The following TTF2 variants were observed in gnomAD, a reference collection of about 807,000 sequenced individuals.
TTF2 encodes the protein RNA polymerase II termination factor.
A neutral mutation model predicts 142.4 loss-of-function variants in TTF2; 108 were observed. The ratio of observed to expected loss-of-function variants is 0.76; its 90% CI spans 0.65 to 0.89. The LOEUF (loss-of-function observed/expected upper bound fraction) is 0.89. Ranked by LOEUF, TTF2 falls within the 40% of genes least tolerant of loss-of-function variation. The pLI is 0.00. For synonymous variants in TTF2, 483 were observed against 506.2 expected (o/e 0.95, Z 0.61); for missense variants, 1,327 against 1,379.8 (o/e 0.96, Z 0.61).
At chr1:117,061,694 C>T (rs1655698087) in intron 2 of TTF2, among the ~76,000 whole-genome samples, 1 of 152,176 alleles carries the variant, frequency 6.6e-6, no homozygotes, top group African/African-American at 2.4e-5. Flanking sequence ...TTTGGTTTTA[C>T]ATTAAGAGAA....
chr1:117,084,137 C>G lies in TTF2; in HGVS notation c.2023C>G (p.His675Asp). 6.2e-7 allele frequency: 1 copy of G among 1,614,208 alleles called. No homozygotes were observed. The highest frequency in any genetic ancestry group is 8.5e-7 in the Non-Finnish European group (1 of 1,180,038). The change falls in exon 11 of 23, where the codon CAT becomes GAT. Residue 675 changes from histidine (H) to aspartate (D), a missense_variant. Physicochemically the swap from His to Asp is moderately conservative, Grantham distance 81 (BLOSUM62 -1). Transcript: ENST00000369466. ...CAACAAACTAAGAGTCTATCTCTAC[C>G]ATGGGCCAAACCGGGATTCACGTGC... is the stretch of plus-strand genomic sequence containing the variant. ...NSNKLRVYLY[H>D]GPNRDSRARV...
intron 3 of TTF2, among the ~76,000 whole-genome samples, chr1:117,072,511 G>A (rs1200030206): frequency 5.1e-5 from 7 of 137,526 alleles, no homozygotes; most frequent in African/African-American, 2.0e-4. Flanking sequence ...TGCAACCTAC[G>A]CCTCCCGGGT....
chr1:117,060,341 A>C lies in TTF2; in HGVS notation c.-6A>C. 4 of 1,595,716 alleles carry C rather than the reference A, an allele frequency of 2.5e-6. No homozygotes were observed. The highest frequency in any genetic ancestry group is 3.4e-6 in the Non-Finnish European group (4 of 1,171,270). ...GGGCTTTGTGGAACTTGGGGGACCC[A>C]GCGAAATGGAAGAAGTTAGGTGTCC... On this transcript the variant is annotated 5_prime_UTR_variant, in exon 1 of 23. Coordinates refer to ENST00000369466, the MANE Select transcript of TTF2 (RefSeq NM_003594.4).
Position 117,090,416 on chromosome 1 carries a change from G to T in TTF2, c.2497-116G>T. The T allele has an allele frequency of 8.6e-7, 1 of 1,164,056 alleles. No individual in the cohort carries two copies. The highest frequency in any genetic ancestry group is 1.2e-6 in the Non-Finnish European group (1 of 809,896). The allele number at this position is 1,164,056 out of a possible 1,614,324, so 72.1% of individuals were successfully genotyped here. On this transcript the variant is annotated intron_variant, in intron 14 of 22. Coordinates refer to ENST00000369466, the MANE Select transcript of TTF2 (RefSeq NM_003594.4). This position sits in a 1 kb window ranked among gnomAD's most constrained non-coding sequence, Gnocchi z 4.8. ...TGGAGCAGTCCTGTGTCTAAGAAAG[G>T]GTGGAAGCTGCATTCCAGGGTTGAC...
intron 16 of TTF2, 93 bp from the exon 17 acceptor site, chr1:117,091,724 C>T: frequency 6.8e-7 from 1 of 1,461,030 alleles, no homozygotes; most frequent in Non-Finnish European, 9.2e-7. Context: ...TGAGATCAAA[C>T]ATGGTTAAAG....
chr1:117,093,406 T>C lies in TTF2; in HGVS notation c.2976+505T>C, dbSNP rs1430004217. Among the ~76,000 whole-genome samples, 1 of 152,234 alleles carries C rather than the reference T, an allele frequency of 6.6e-6. No homozygotes were observed. Among genetic ancestry groups the C allele is most frequent in the African/African-American group, 2.4e-5 (1 of 41,460 alleles). ...AGAGCTTTTTAAGGCAGAAACATTCTGCTGGAGGAAGGCTTAGATATGCCG... is the reference window on the plus strand; with the variant it reads ...AGAGCTTTTTAAGGCAGAAACATTCCGCTGGAGGAAGGCTTAGATATGCCG... On this transcript the variant is annotated intron_variant, in intron 18 of 22. Transcript: ENST00000369466. This position sits in a 1 kb window ranked among gnomAD's most constrained non-coding sequence, Gnocchi z 4.5.
In TTF2 at chr1:117,062,424, G is replaced by T. The variant is rs1655757538; in HGVS notation, c.169G>T (p.Val57Leu). ...CCATTGCTTATTGCATGAGGACTTTGTGGTAGAGCTTCAGGGTTTGCTTCT... is the reference window on the plus strand; with the variant it reads ...CCATTGCTTATTGCATGAGGACTTTTTGGTAGAGCTTCAGGGTTTGCTTCT... Reference protein sequence around the residue: ...VSHCLLHEDFVVELQGLLLPQ... With the variant: ...VSHCLLHEDFLVELQGLLLPQ... The change falls in exon 3 of 23, where the codon GTG becomes TTG. Residue 57 changes from valine to leucine, a missense_variant. Coordinates refer to ENST00000369466, the MANE Select transcript of TTF2 (RefSeq NM_003594.4). The T allele has an allele frequency of 6.2e-7, 1 of 1,612,824 alleles. No individual in the cohort carries two copies. Among genetic ancestry groups the T allele is most frequent in the African/African-American group, 1.3e-5 (1 of 74,588 alleles).
At chr1:117,088,454 G>GT (rs1648231636) in intron 12 of TTF2, among the ~76,000 whole-genome samples, 1 of 152,048 alleles carries the variant, frequency 6.6e-6, no homozygotes, top group Non-Finnish European at 1.5e-5. Flanking sequence ...GGAGAATGGC[G>GT]TGAAGCCCGG....
In TTF2 at chr1:117,092,783, A is replaced by C. The variant is rs780548819; in HGVS notation, c.2858A>C (p.Glu953Ala). The change falls in exon 18 of 23, where the codon GAA becomes GCA. Residue 953 changes from glutamate to alanine, a missense_variant. By Grantham distance (107) the Glu-to-Ala change is moderately radical. Transcript: ENST00000369466. This position sits in a 1 kb window ranked among gnomAD's most constrained non-coding sequence, Gnocchi z 4.4. ...KGEGLVLSLE[E>A]QLSALTLSEL... ...GAAGGTCTTGTCCTTTCCCTGGAAG[A>C]ACAGCTCAGTGCTTTGACCTTGTCA... 2 of 1,614,206 alleles carry C rather than the reference A, an allele frequency of 1.2e-6. No homozygotes were observed. The highest frequency in any genetic ancestry group is 3.3e-5 in the Admixed American group (2 of 60,028).
rs1347242846 is a variant in TTF2, at chr1:117,075,746, G to C, written c.1162G>C (p.Asp388His). The C allele has an allele frequency of 1.2e-6, 2 of 1,614,072 alleles. No homozygotes were observed. The highest frequency in any genetic ancestry group is 1.3e-5 in the African/African-American group (1 of 74,930). Reference sequence around the variant, plus strand: ...GACGAAGGAAAACCTCCAATTCCCTGATCGAAGTGTGCAAAGAAAGGTGTC... The same window carrying C: ...GACGAAGGAAAACCTCCAATTCCCTCATCGAAGTGTGCAAAGAAAGGTGTC... ...LETKENLQFP[D>H]RSVQRKVSPA... The change falls in exon 5 of 23, where the codon GAT becomes CAT. Residue 388 changes from aspartate to histidine, a missense_variant. By Grantham distance (81) the Asp-to-His change is moderately conservative. Coordinates refer to ENST00000369466, the MANE Select transcript of TTF2 (RefSeq NM_003594.4). This position sits in a 1 kb window ranked among gnomAD's most constrained non-coding sequence, Gnocchi z 4.5.
chr1:117,101,652 T>C lies in TTF2; in HGVS notation c.*128T>C. 3.7e-6 allele frequency: 4 copies of C among 1,079,454 alleles called. No individual in the cohort carries two copies. The highest frequency in any genetic ancestry group is 3.7e-6 in the Non-Finnish European group (3 of 804,992). The allele number at this position is 1,079,454 out of a possible 1,614,324, so 66.9% of individuals were successfully genotyped here. ...AATTTCACCGTCAAGCCTTTCACCTTCCTCAAAATGAGGCATAATCTTATC... is the reference window on the plus strand; with the variant it reads ...AATTTCACCGTCAAGCCTTTCACCTCCCTCAAAATGAGGCATAATCTTATC... On this transcript the variant is annotated 3_prime_UTR_variant, in exon 23 of 23. Coordinates refer to ENST00000369466, the MANE Select transcript of TTF2 (RefSeq NM_003594.4). The surrounding 1 kb of genome is among the most constrained non-coding windows in gnomAD (Gnocchi z 5.9).
At position 117,075,255 on chromosome 1, in the gene TTF2, G is replaced by A. The variant is rs368585554; in HGVS notation, c.671G>A (p.Cys224Tyr). ...RDFSEIKSQQ[C>Y]QGNELTRPSA... The stretch of plus-strand genomic sequence containing the variant: ...TTTTCTGAAATTAAATCTCAACAGT[G>A]CCAAGGTAATGAGCTTACAAGACCA... Residue 224 changes from cysteine to tyrosine, a missense_variant, in exon 5 of 23, where the codon TGC becomes TAC. Coordinates refer to ENST00000369466, the MANE Select transcript of TTF2 (RefSeq NM_003594.4). The surrounding 1 kb of genome is among the most constrained non-coding windows in gnomAD (Gnocchi z 4.5). 2 of 1,614,106 alleles carry A rather than the reference G, an allele frequency of 1.2e-6. No homozygotes were observed. Among genetic ancestry groups the A allele is most frequent in the Non-Finnish European group, 1.7e-6 (2 of 1,180,052 alleles).
intron 13 of TTF2, 88 bp from the exon 14 acceptor site, chr1:117,089,967 T>G: frequency 7.0e-7 from 1 of 1,436,512 alleles, no homozygotes; most frequent in Non-Finnish European, 9.4e-7. Flanking sequence ...AAATCTGATT[T>G]GTCATCTTAT....
In TTF2 at chr1:117,085,706, G is replaced by C. The variant is rs919489574; in HGVS notation, c.2055-711G>C. ...ATTATTTTATTTACTTTTGAGACAG[G>C]ATAGAGTGAGACCCTACCTTGTCTC... On this transcript the variant is annotated intron_variant, in intron 11 of 22. Coordinates refer to ENST00000369466, the MANE Select transcript of TTF2 (RefSeq NM_003594.4). The surrounding 1 kb of genome is among the most constrained non-coding windows in gnomAD (Gnocchi z 4.7). Among the ~76,000 whole-genome samples, 2 of 151,122 alleles carry C rather than the reference G, an allele frequency of 1.3e-5. 1 individual carries two copies. Among genetic ancestry groups the C allele is most frequent in the South Asian group, 4.2e-4 (2 of 4,728 alleles).
At chr1:117,072,719 G>A (rs1389582126) in intron 3 of TTF2, among the ~76,000 whole-genome samples, 1 of 152,052 alleles carries the variant, frequency 6.6e-6, no homozygotes, top group Non-Finnish European at 1.5e-5. Flanking sequence ...CACCGCACCC[G>A]GCCAAGATAT....
chr1:117,092,721 G>T lies in TTF2; in HGVS notation c.2806-10G>T, dbSNP rs759165779. 3.8e-6 allele frequency: 6 copies of T among 1,598,326 alleles called. No individual in the cohort carries two copies. In the Admixed American group the frequency reaches 5.3e-5, roughly 14 times the overall value. On this transcript the variant is annotated splice_polypyrimidine_tract_variant and intron_variant, in intron 17 of 22. Transcript: ENST00000369466. This position sits in a 1 kb window ranked among gnomAD's most constrained non-coding sequence, Gnocchi z 4.4. ...CTCCCAGCTGCTCCTGTCCTTTTTT[G>T]TCTGTTCAGGCCCTGGATCCAATGG... is the stretch of plus-strand genomic sequence containing the variant.
At chr1:117,096,074 G>A (rs1289665) in intron 19 of TTF2, 75 bp from the exon 20 acceptor site, 57,924 of 1,517,838 alleles carry the variant, frequency 0.038, 1,219 homozygotes, top group East Asian at 0.065. Context: ...TAAGAATGAT[G>A]AGGGCATTAA....
intron 3 of TTF2, among the ~76,000 whole-genome samples, chr1:117,067,431 G>A (rs1227375037): frequency 6.6e-6 from 1 of 150,768 alleles, no homozygotes; most frequent in African/African-American, 2.4e-5. Flanking sequence ...TCAGTAGGCA[G>A]GAGAATCACT....
At position 117,091,835 on chromosome 1, in the gene TTF2, C is replaced by G. The variant is rs763078798; in HGVS notation, c.2690C>G (p.Ser897Cys). The part of the protein sequence containing the change: ...PFSRVALEFG[S>C]EEPRHSEAAD... Reference sequence around the variant, plus strand: ...TTGGAAGTGGCACTGGAGTTTGGGTCTGAGGAGCCTAGACACTCGGAGGCA... The same window carrying G: ...TTGGAAGTGGCACTGGAGTTTGGGTGTGAGGAGCCTAGACACTCGGAGGCA... Residue 897 changes from serine to cysteine, a missense_variant, in exon 17 of 23, where the codon TCT becomes TGT. Ser to Cys is a moderately radical substitution (Grantham distance 112). Transcript: ENST00000369466. The G allele has an allele frequency of 6.2e-7, 1 of 1,613,510 alleles. No homozygotes were observed. Among genetic ancestry groups the G allele is most frequent in the Non-Finnish European group, 8.5e-7 (1 of 1,179,838 alleles).
Sources: gnomAD v4.1 joint callset for allele counts (sites outside exome capture counted in the v4.1 genomes callset) on GRCh38, gnomAD v4.1.1 for gene constraint, Gnocchi (gnomAD v3.1) non-coding constraint, MANE v1.5 for transcripts, NCBI Gene and HGNC (gene_info 2026-07-23, HGNC 2026-07-21) for gene names.